GALNT18: variants seen among roughly 807,000 people sequenced by gnomAD.
GALNT18 encodes the protein polypeptide N-acetylgalactosaminyltransferase 18.
A neutral mutation model predicts 69.5 loss-of-function variants in GALNT18; 44 were observed. The observed-to-expected ratio is 0.63, with a 90% CI of 0.50 to 0.81. GALNT18 has a LOEUF of 0.81. Among genes scored for constraint, GALNT18 ranks in the 40% least tolerant of loss-of-function variants. GALNT18 has a pLI of 0.00. For synonymous variants in GALNT18, 364 were observed against 318.2 expected, an observed-to-expected ratio of 1.14 and a Z score of -1.53; for missense variants, 715 against 810.0, an observed-to-expected ratio of 0.88 and a Z score of 1.42.
chr11:11,386,918 T>C (rs1263601316), intron 3 of GALNT18, among the ~76,000 whole-genome samples: 1 of 152,128 alleles, frequency 6.6e-6, no homozygotes, highest in African/African-American at 2.4e-5. Context: ...CAGAGTACCA[T>C]CCCAGCAAAG....
intron 9 of GALNT18, among the ~76,000 whole-genome samples, chr11:11,311,064 G>C (rs1849664779): frequency 6.6e-6 from 1 of 152,130 alleles, no homozygotes; most frequent in Non-Finnish European, 1.5e-5. Flanking sequence ...GAGGTGTATG[G>C]GGATGTTTTG....
In GALNT18 at chr11:11,606,531, G is replaced by A. The variant is rs1365776538; in HGVS notation, c.235+14828C>T. ...CCTCCTCTATCCGAATCATCACTCT[G>A]GTTTGAGGGGCTGAGAAGAAGCTCT... On this transcript the variant is annotated intron_variant, in intron 1 of 10. Transcript: ENST00000227756. This position sits in a 1 kb window ranked among gnomAD's most constrained non-coding sequence, Gnocchi z 5.4. Among the ~76,000 whole-genome samples, 1 of 152,118 alleles carries A rather than the reference G, an allele frequency of 6.6e-6. No individual in the cohort carries two copies. Among genetic ancestry groups the A allele is most frequent in the Non-Finnish European group, 1.5e-5 (1 of 68,024 alleles).
At chr11:11,526,596 C>T (rs555777844) in intron 1 of GALNT18, among the ~76,000 whole-genome samples, 7 of 152,166 alleles carry the variant, frequency 4.6e-5, no homozygotes, top group South Asian at 2.1e-4. Flanking sequence ...CCCCAAATAC[C>T]GGTAGCTTAT....
At chr11:11,366,560 A>G (rs1300185059) in intron 6 of GALNT18, among the ~76,000 whole-genome samples, 1 of 152,252 alleles carries the variant, frequency 6.6e-6, no homozygotes, top group Non-Finnish European at 1.5e-5. Context: ...ATCATATAAC[A>G]TCTATTAGGA....
rs1048551395 is a variant in GALNT18 at position 11,337,175 on chromosome 11, G to A, written c.1278+3644C>T. 1.3e-5 allele frequency among the ~76,000 whole-genome samples: 2 copies of A among 152,108 alleles called. No individual in the cohort carries two copies. The highest frequency in any genetic ancestry group is 6.5e-5 in the Admixed American group (1 of 15,278). On this transcript the variant is annotated intron_variant, in intron 7 of 10. Transcript: ENST00000227756. The surrounding 1 kb of genome is among the most constrained non-coding windows in gnomAD (Gnocchi z 4.9). ...GAGTATTTTTTTAAAAGTTCTTCAA[G>A]CGATTCTGATGCAGTTGGTCTGAAG...
rs559220585 is a variant in GALNT18 at position 11,461,236 on chromosome 11, G to A, written c.236-12300C>T. ...CCCTGCAAGGGGGACTTCTGGGCCT[G>A]GGTGTGTCTGAGTGTGCGGCTAGGA... is the stretch of plus-strand genomic sequence containing the variant. On this transcript the variant is annotated intron_variant, in intron 1 of 10. Coordinates refer to ENST00000227756, the MANE Select transcript of GALNT18 (RefSeq NM_198516.3). The surrounding 1 kb of genome is among the most constrained non-coding windows in gnomAD (Gnocchi z 4.1). 6.6e-6 allele frequency among the ~76,000 whole-genome samples: 1 copy of A among 152,328 alleles called. No individual in the cohort carries two copies. The highest frequency in any genetic ancestry group is 1.9e-4 in the East Asian group (1 of 5,182).
chr11:11,473,552 C>CG (rs1175199256), intron 1 of GALNT18, among the ~76,000 whole-genome samples: 3 of 152,190 alleles, frequency 2.0e-5, no homozygotes, highest in Non-Finnish European at 2.9e-5. Context: ...AGTGTGCAGA[C>CG]GGTGCAGAGT....
intron 6 of GALNT18, among the ~76,000 whole-genome samples, chr11:11,343,588 T>G (rs74693143): frequency 0.061 from 9,311 of 152,194 alleles, 368 homozygotes; most frequent in South Asian, 0.12. Flanking sequence ...TCCCAAGACC[T>G]GTACATTCTG....
At chr11:11,451,839 G>C (rs1855806952) in intron 1 of GALNT18, among the ~76,000 whole-genome samples, 1 of 152,224 alleles carries the variant, frequency 6.6e-6, no homozygotes, top group African/African-American at 2.4e-5. Flanking sequence ...AGGCCACCCA[G>C]TGTGTCAGTG....
At position 11,621,632 on chromosome 11, in the gene GALNT18, T is replaced by C; in HGVS notation, c.-39A>G. 1 of 1,468,444 alleles carries C rather than the reference T, an allele frequency of 6.8e-7. No individual in the cohort carries two copies. Among genetic ancestry groups the C allele is most frequent in the South Asian group, 1.2e-5 (1 of 81,902 alleles). The allele number at this position is 1,468,444 out of a possible 1,614,324, so 91.0% of individuals were successfully genotyped here. The stretch of plus-strand genomic sequence containing the variant: ...CTCCATATAGAGCTCCCGGGGGCCC[T>C]TCCTTGTCGTGCGCCCCGAACTCCC... On this transcript the variant is annotated 5_prime_UTR_variant, in exon 1 of 11. Coordinates refer to ENST00000227756, the MANE Select transcript of GALNT18 (RefSeq NM_198516.3). This position sits in a 1 kb window ranked among gnomAD's most constrained non-coding sequence, Gnocchi z 9.3.
Position 11,480,917 on chromosome 11 carries a change from T to C in GALNT18, c.236-31981A>G, listed in dbSNP as rs190201539. On this transcript the variant is annotated intron_variant, in intron 1 of 10. Coordinates refer to ENST00000227756, the MANE Select transcript of GALNT18 (RefSeq NM_198516.3). This position sits in a 1 kb window ranked among gnomAD's most constrained non-coding sequence, Gnocchi z 4.6. ...TTCTTGGGAACCTCCAAGAGTGAAATGTACCTACAGCCCTGGGCAACCTCA... is the reference window on the plus strand; with the variant it reads ...TTCTTGGGAACCTCCAAGAGTGAAACGTACCTACAGCCCTGGGCAACCTCA... Among the ~76,000 whole-genome samples the C allele has an allele frequency of 1.3e-5, 2 of 152,232 alleles. No individual in the cohort carries two copies. The highest frequency in any genetic ancestry group is 6.5e-5 in the Admixed American group (1 of 15,300).
intron 1 of GALNT18, among the ~76,000 whole-genome samples, chr11:11,502,987 T>A (rs886159518): frequency 6.6e-6 from 1 of 152,200 alleles, no homozygotes; most frequent in Admixed American, 6.5e-5. Flanking sequence ...CCCGTCAAAA[T>A]GTTTGTAATA....
At position 11,621,692 on chromosome 11, in the gene GALNT18, T is replaced by C. The variant is rs555101907; in HGVS notation, c.-99A>G. On this transcript the variant is annotated 5_prime_UTR_variant, in exon 1 of 11. Coordinates refer to ENST00000227756, the MANE Select transcript of GALNT18 (RefSeq NM_198516.3). The surrounding 1 kb of genome is among the most constrained non-coding windows in gnomAD (Gnocchi z 9.3). ...CACCCCGTAGCACGTCCGGAGCCGC[T>C]GGGCACCTCAGCACCTGAGTCCCGA... 501 of 867,322 alleles carry C rather than the reference T, an allele frequency of 5.8e-4. 5 individuals carry two copies. The highest frequency in any genetic ancestry group is 5.2e-3 in the South Asian group (316 of 60,588). The allele number at this position is 867,322 out of a possible 1,614,324, so 53.7% of individuals were successfully genotyped here.
In GALNT18 at chr11:11,518,234, A is replaced by G. The variant is rs186056143; in HGVS notation, c.236-69298T>C. Among the ~76,000 whole-genome samples, 226 of 152,380 alleles carry G rather than the reference A, an allele frequency of 1.5e-3. 1 individual carries two copies. Among genetic ancestry groups the G allele is most frequent in the Admixed American group, 2.8e-3 (43 of 15,308 alleles). On this transcript the variant is annotated intron_variant, in intron 1 of 10. Coordinates refer to ENST00000227756, the MANE Select transcript of GALNT18 (RefSeq NM_198516.3). The stretch of plus-strand genomic sequence containing the variant: ...CTGAAAGCCCTTTCTCTGGTGCCCA[A>G]TACAGACACAAACTGCATTTCATGG...
chr11:11,484,027 A>C (rs1590043080), intron 1 of GALNT18, among the ~76,000 whole-genome samples: 1 of 151,966 alleles, frequency 6.6e-6, no homozygotes, highest in Non-Finnish European at 1.5e-5. Flanking sequence ...CACAGCACCT[A>C]CTCTGTGCGG....
At position 11,339,412 on chromosome 11, in the gene GALNT18, T is replaced by C. The variant is rs73419714; in HGVS notation, c.1278+1407A>G. Reference sequence around the variant, plus strand: ...GGCTAGAAGTTTTGCAGCTCTGGGGTACAGAGAGAAGGCAGTAAGAGTATG... The same window carrying C: ...GGCTAGAAGTTTTGCAGCTCTGGGGCACAGAGAGAAGGCAGTAAGAGTATG... On this transcript the variant is annotated intron_variant, in intron 7 of 10. Transcript: ENST00000227756. The surrounding 1 kb of genome is among the most constrained non-coding windows in gnomAD (Gnocchi z 5.2). 0.046 allele frequency among the ~76,000 whole-genome samples: 6,926 copies of C among 152,118 alleles called. 509 individuals carry two copies. The highest frequency in any genetic ancestry group is 0.16 in the African/African-American group (6,580 of 41,462).
intron 3 of GALNT18, among the ~76,000 whole-genome samples, chr11:11,426,247 T>C (rs115502004): frequency 1.3e-5 from 2 of 152,188 alleles, no homozygotes; most frequent in Admixed American, 6.5e-5. Context: ...CCCACATTCA[T>C]GCCATATCCC....
At chr11:11,370,382 A>G (rs1850871400) in intron 6 of GALNT18, among the ~76,000 whole-genome samples, 1 of 152,224 alleles carries the variant, frequency 6.6e-6, no homozygotes, top group African/African-American at 2.4e-5. Context: ...AATACTAATA[A>G]CCATACAAAA....
At position 11,500,274 on chromosome 11, in the gene GALNT18, G is replaced by A. The variant is rs1856948312; in HGVS notation, c.236-51338C>T. Among the ~76,000 whole-genome samples, 2 of 152,146 alleles carry A rather than the reference G, an allele frequency of 1.3e-5. No individual in the cohort carries two copies. The highest frequency in any genetic ancestry group is 1.3e-4 in the Admixed American group (2 of 15,278). On this transcript the variant is annotated intron_variant, in intron 1 of 10. Transcript: ENST00000227756. The surrounding 1 kb of genome is among the most constrained non-coding windows in gnomAD (Gnocchi z 5.0). ...CACTGCCAAGAACCTGCAGGAGGCT[G>A]GCCTCCCGGGAGTCCCTAATACTGG...
Sources: allele counts gnomAD v4.1 joint callset (sites outside exome capture counted in the v4.1 genomes callset), GRCh38; gene constraint gnomAD v4.1.1; non-coding constraint Gnocchi (gnomAD v3.1); transcripts MANE v1.5; gene names NCBI Gene and HGNC (gene_info 2026-07-23, HGNC 2026-07-21).